PDXDC1: variants seen among roughly 807,000 people sequenced by gnomAD.
PDXDC1 encodes the protein pyridoxal dependent decarboxylase domain containing 1.
A neutral mutation model predicts 100.1 loss-of-function variants in PDXDC1; 42 were observed. That is an observed-to-expected ratio of 0.42 (90% CI 0.33 to 0.54). The LOEUF is 0.54. Among genes scored for constraint, PDXDC1 ranks in the 20% least tolerant of loss-of-function variants. The probability of loss-of-function intolerance (pLI) is 0.10; values close to 1 mark genes in which losing one functional copy is unlikely to be tolerated. For synonymous variants in PDXDC1, 260 were observed against 371.7 expected (o/e 0.70, Z 3.46); for missense variants, 636 against 979.2 (o/e 0.65, Z 4.68).
intron 21 of PDXDC1, among the ~76,000 whole-genome samples, chr16:15,035,204 C>T (rs1021959479): frequency 2.0e-5 from 3 of 152,202 alleles, no homozygotes; most frequent in African/African-American, 7.2e-5. Flanking sequence ...AGTACGTTTC[C>T]CTGTTGGGCC....
At chr16:15,147,753 A>G in the PDXDC1 span, among the ~76,000 whole-genome samples, 1 of 151,982 alleles carries the variant, frequency 6.6e-6, no homozygotes. Context: ...CAGTGGTGTG[A>G]TATTGGCTCA....
chr16:15,135,072 C>T, intron 16 of PDXDC1: 1 of 582,736 alleles, frequency 1.7e-6, no homozygotes, highest in Non-Finnish European at 3.1e-6. Context: ...GTCACTAGAG[C>T]ATATGTGGCT....
At chr16:15,016,607 C>A (rs1160185426) in intron 9 of PDXDC1, among the ~76,000 whole-genome samples, 3 of 152,294 alleles carry the variant, frequency 2.0e-5, no homozygotes, top group Non-Finnish European at 4.4e-5. Flanking sequence ...TTGAACCAGC[C>A]ACTGTGGCCA....
rs1406228791 is a variant in PDXDC1, at chr16:15,037,460, C to CACTTGTCAAAATGCA, written c.*1186_*1200dup. 3 of 152,364 alleles carry CACTTGTCAAAATGCA rather than the reference C, an allele frequency of 2.0e-5. No homozygotes were observed. The East Asian group carries it at 5.8e-4, about 29-fold the overall frequency. 9.4% of individuals were successfully genotyped at this position (152,364 alleles called of 1,614,324 possible). On this transcript the variant is annotated 3_prime_UTR_variant, in exon 23 of 23. Transcript: ENST00000396410. Reference sequence around the variant, plus strand: ...GATTTGATGGGATTTTTGACATTTACACTTGTCAAAATGCAGGGGGTTTTT... The same window carrying CACTTGTCAAAATGCA: ...GATTTGATGGGATTTTTGACATTTACACTTGTCAAAATGCAACTTGTCAAAATGCAGGGGGTTTTT...
intron 16 of PDXDC1, among the ~76,000 whole-genome samples, chr16:15,099,617 G>T (rs1007416497): frequency 6.6e-6 from 1 of 151,794 alleles, no homozygotes; most frequent in African/African-American, 2.4e-5. Flanking sequence ...TAAAGGGGGT[G>T]GGGGAGGGAT....
intron 16 of PDXDC1, among the ~76,000 whole-genome samples, chr16:15,095,840 C>G (rs1460332821): frequency 2.1e-5 from 3 of 143,334 alleles, no homozygotes; most frequent in African/African-American, 5.1e-5. Flanking sequence ...ACGAGTGAAA[C>G]TGTGTCTCAA....
chr16:15,012,014 C>T (rs1444359600), intron 8 of PDXDC1, among the ~76,000 whole-genome samples: 128 of 152,350 alleles, frequency 8.4e-4, no homozygotes, highest in Non-Finnish European at 1.6e-3. Flanking sequence ...TCATTCTTTT[C>T]CCCAGAAGCT....
At chr16:15,085,757 T>C (rs992233428) in intron 16 of PDXDC1, 303 of 1,604,610 alleles carry the variant, frequency 1.9e-4, no homozygotes, top group Middle Eastern at 8.9e-4. Flanking sequence ...TGAATGGCTA[T>C]ACAAAAAAAG....
intron 11 of PDXDC1, among the ~76,000 whole-genome samples, chr16:15,018,015 C>T (rs145179018): frequency 6.8e-4 from 104 of 151,996 alleles, no homozygotes; most frequent in South Asian, 4.6e-3. Context: ...GTTGAACTCG[C>T]GATCTCAGGT....
chr16:14,989,444 G>A (rs1173295013), intron 1 of PDXDC1: 4 of 1,607,426 alleles, frequency 2.5e-6, no homozygotes, highest in Non-Finnish European at 2.5e-6. Flanking sequence ...GATGGTCTCC[G>A]ACCTTCTCCA....
intron 16 of PDXDC1, among the ~76,000 whole-genome samples, chr16:15,119,484 T>C (rs1263071289): frequency 3.4e-5 from 5 of 149,180 alleles, no homozygotes; most frequent in Non-Finnish European, 7.4e-5. Context: ...AGTGGTGCAA[T>C]CTCGGCTCGC....
chr16:15,073,835 T>C lies in PDXDC1; in HGVS notation c.1399+43779T>C, dbSNP rs371564241. On this transcript the variant is annotated intron_variant, in intron 16 of 16. Coordinates refer to the PDXDC1 transcript ENST00000535621. ...GGTCTTGTTATGTTGCCCAGGATAG[T>C]TAGTCTTGAACTCCTGGCCTCAGTG... Among the ~76,000 whole-genome samples, 4 of 152,228 alleles carry C rather than the reference T, an allele frequency of 2.6e-5. No individual in the cohort carries two copies. In the East Asian group the frequency reaches 7.7e-4, roughly 29 times the overall value.
intron 16 of PDXDC1, among the ~76,000 whole-genome samples, chr16:15,101,992 G>A (rs1199195682): frequency 6.6e-6 from 1 of 152,076 alleles, no homozygotes; most frequent in Non-Finnish European, 1.5e-5. Flanking sequence ...GGGATTACAG[G>A]TGCGTGCCAC....
chr16:15,082,140 C>T (rs146624455), intron 16 of PDXDC1, among the ~76,000 whole-genome samples: 88 of 152,272 alleles, frequency 5.8e-4, no homozygotes, highest in East Asian at 1.5e-3. Context: ...GCAGCAAGAG[C>T]GGACATCCTT....
intron 16 of PDXDC1, chr16:15,130,373 C>G (rs767016242): frequency 1.3e-6 from 2 of 1,572,134 alleles, no homozygotes; most frequent in South Asian, 1.2e-5. Flanking sequence ...GGGACGTGTA[C>G]AGGCCCACGG....
intron 6 of PDXDC1, among the ~76,000 whole-genome samples, chr16:15,007,320 G>A (rs1164910949): frequency 5.3e-5 from 8 of 152,320 alleles, no homozygotes; most frequent in South Asian, 2.1e-4. Flanking sequence ...ACAGGTGCCC[G>A]CCACCACGCC....
At chr16:15,137,340 A>T in intron 16 of PDXDC1, 2 of 1,472,934 alleles carry the variant, frequency 1.4e-6, no homozygotes, top group South Asian at 1.2e-5. Context: ...AGGGACAGGC[A>T]GGCGAAGGAG....
chr16:15,127,040 G>T, intron 16 of PDXDC1: 1 of 346,370 alleles, frequency 2.9e-6, no homozygotes, highest in South Asian at 2.2e-5. Flanking sequence ...CGCCCACCTC[G>T]GCCTCCTGAA....
chr16:15,026,818 C>T (rs1597618151), intron 14 of PDXDC1, 112 bp downstream of exon 14: 1 of 1,127,646 alleles, frequency 8.9e-7, no homozygotes, highest in East Asian at 2.5e-5. Flanking sequence ...AATCTTCAGT[C>T]AGCATTTCAG....
Sources: gnomAD v4.1 joint callset for allele counts (sites outside exome capture counted in the v4.1 genomes callset) on GRCh38, gnomAD v4.1.1 for gene constraint, MANE v1.5 for transcripts, NCBI Gene and HGNC (gene_info 2026-07-23, HGNC 2026-07-21) for gene names.